The following ERG variants were observed in gnomAD, a reference collection of about 807,000 sequenced individuals.
ERG encodes the protein transcriptional regulator ERG.
Under a neutral mutation model 55.3 loss-of-function variants are expected in ERG, and 9 were observed. The observed-to-expected ratio is 0.16, with a 90% CI of 0.10 to 0.28. ERG has a LOEUF of 0.28. Among genes scored for constraint, ERG ranks in the 10% least tolerant of loss-of-function variants. The pLI is 1.00. For synonymous variants in ERG, 223 were observed against 237.3 expected, an observed-to-expected ratio of 0.94 and a Z score of 0.55; for missense variants, 434 against 631.6, an observed-to-expected ratio of 0.69 and a Z score of 3.35.
Position 38,383,287 on chromosome 21 carries a change from G to T in ERG, c.*116C>A, listed in dbSNP as rs1987530088. 1.5e-6 allele frequency: 2 copies of T among 1,333,734 alleles called. No individual in the cohort carries two copies. The highest frequency in any genetic ancestry group is 1.5e-5 in the African/African-American group (1 of 68,194). The allele number at this position is 1,333,734 out of a possible 1,614,324, so 82.6% of individuals were successfully genotyped here. ...ATCTCTTCCCCGGCTTCCTTCCCCAGCCCCAGTAAAGCTTTTTTCATTCCT... is the reference window on the plus strand; with the variant it reads ...ATCTCTTCCCCGGCTTCCTTCCCCATCCCCAGTAAAGCTTTTTTCATTCCT... On this transcript the variant is annotated 3_prime_UTR_variant, in exon 10 of 10. Transcript: ENST00000288319. The surrounding 1 kb of genome is among the most constrained non-coding windows in gnomAD (Gnocchi z 5.7).
intron 2 of ERG, among the ~76,000 whole-genome samples, chr21:38,428,153 C>T (rs1269293915): frequency 1.3e-5 from 2 of 149,922 alleles, no homozygotes; most frequent in African/African-American, 4.9e-5. Flanking sequence ...TGCACTGCAG[C>T]CTGGACAACA....
intron 1 of ERG, among the ~76,000 whole-genome samples, chr21:38,622,287 C>T (rs552422591): frequency 6.6e-6 from 1 of 152,268 alleles, no homozygotes; most frequent in East Asian, 1.9e-4. Context: ...GACTGAAGGC[C>T]GGCTCACAGC....
At chr21:38,415,445 G>A (rs1989234840) in intron 3 of ERG, among the ~76,000 whole-genome samples, 1 of 152,132 alleles carries the variant, frequency 6.6e-6, no homozygotes, top group Non-Finnish European at 1.5e-5. Context: ...CTATTCAGCT[G>A]ATAACTTTAA....
At chr21:38,374,840 A>T in the ERG span, among the ~76,000 whole-genome samples, 1 of 152,180 alleles carries the variant, frequency 6.6e-6, no homozygotes, top group South Asian at 2.1e-4. Flanking sequence ...TTTAAACCAC[A>T]GACTGCTTGG....
At chr21:38,422,626 GA>G (rs754789452) in intron 3 of ERG, among the ~76,000 whole-genome samples, 41 of 152,348 alleles carry the variant, frequency 2.7e-4, no homozygotes, top group Admixed American at 2.3e-3. Flanking sequence ...TGTATCCTCT[GA>G]GGAGCTTTAA....
chr21:38,621,695 T>TC (rs998380298), intron 1 of ERG, among the ~76,000 whole-genome samples: 17 of 151,868 alleles, frequency 1.1e-4, no homozygotes, highest in African/African-American at 3.9e-4. Flanking sequence ...TTCTGGCAGA[T>TC]CCCCCCAGAA....
intron 1 of ERG, among the ~76,000 whole-genome samples, chr21:38,606,932 GA>G (rs1216413298): frequency 6.6e-6 from 1 of 152,038 alleles, no homozygotes; most frequent in African/African-American, 2.4e-5. Context: ...TGAGACTTCA[GA>G]TTTTTTTTTA....
At chr21:38,477,025 T>TA (rs2059194956) in intron 1 of ERG, among the ~76,000 whole-genome samples, 1 of 140,828 alleles carries the variant, frequency 7.1e-6, no homozygotes, top group Admixed American at 7.1e-5. Flanking sequence ...TTTTTTTTTT[T>TA]TTTTTGAGAC....
chr21:38,510,488 C>T (rs995113386), intron 2 of ERG, among the ~76,000 whole-genome samples: 2 of 152,104 alleles, frequency 1.3e-5, no homozygotes, highest in African/African-American at 4.8e-5. Flanking sequence ...CTTTAGTGAC[C>T]CTTAACTCAA....
intron 6 of ERG, among the ~76,000 whole-genome samples, chr21:38,396,730 C>A (rs1165355767): frequency 1.3e-5 from 2 of 152,180 alleles, no homozygotes; most frequent in Admixed American, 6.5e-5. Context: ...TTAATAGGGG[C>A]TTGCAAGATT....
intron 2 of ERG, among the ~76,000 whole-genome samples, chr21:38,536,309 A>G (rs1473837755): frequency 6.6e-6 from 1 of 151,988 alleles, no homozygotes; most frequent in African/African-American, 2.4e-5. Flanking sequence ...GTAGTAACAC[A>G]AAGAACAAGC....
intron 1 of ERG, among the ~76,000 whole-genome samples, chr21:38,579,725 C>T (rs2060016570): frequency 6.6e-6 from 1 of 152,140 alleles, no homozygotes; most frequent in Non-Finnish European, 1.5e-5. Flanking sequence ...CACTGCCACC[C>T]TCCACACCAG....
chr21:38,550,028 T>G (rs544095098), intron 2 of ERG, among the ~76,000 whole-genome samples: 1 of 152,186 alleles, frequency 6.6e-6, no homozygotes, highest in Non-Finnish European at 1.5e-5. Flanking sequence ...CCCTTCCTCA[T>G]TGGTCAGAGT....
At chr21:38,536,270 A>G (rs1331827280) in intron 2 of ERG, among the ~76,000 whole-genome samples, 1 of 146,250 alleles carries the variant, frequency 6.8e-6, no homozygotes, top group Non-Finnish European at 1.5e-5. Context: ...CCATATCTCC[A>G]CCTAGGCTCT....
chr21:38,560,641 G>A (rs1354213322), intron 2 of ERG, among the ~76,000 whole-genome samples: 1 of 152,022 alleles, frequency 6.6e-6, no homozygotes, highest in Non-Finnish European at 1.5e-5. Flanking sequence ...TGCTTCCCAG[G>A]GAACCTAACT....
chr21:38,485,455 T>A (rs1272528620), intron 1 of ERG, among the ~76,000 whole-genome samples: 1 of 144,688 alleles, frequency 6.9e-6, no homozygotes, highest in African/African-American at 2.5e-5. Context: ...AGTGTAAATA[T>A]ACAGTCTTTT....
At chr21:38,568,947 G>A (rs906652770) in intron 2 of ERG, among the ~76,000 whole-genome samples, 1 of 152,208 alleles carries the variant, frequency 6.6e-6, no homozygotes, top group Non-Finnish European at 1.5e-5. Context: ...AGCAGCGGCT[G>A]CTGAACATAG....
At chr21:38,491,948 A>G (rs2059339720) in intron 1 of ERG, among the ~76,000 whole-genome samples, 2 of 152,226 alleles carry the variant, frequency 1.3e-5, no homozygotes, top group African/African-American at 4.8e-5. Flanking sequence ...TTAGCCACCT[A>G]GAGTATAAGA....
intron 2 of ERG, among the ~76,000 whole-genome samples, chr21:38,427,508 C>A (rs1381152144): frequency 1.3e-5 from 2 of 152,190 alleles, no homozygotes; most frequent in Admixed American, 6.5e-5. Flanking sequence ...GAGGTGTGAA[C>A]TGAGTACTCA....
Sources: gnomAD v4.1 joint callset for allele counts (sites outside exome capture counted in the v4.1 genomes callset) on GRCh38, gnomAD v4.1.1 for gene constraint, Gnocchi (gnomAD v3.1) non-coding constraint, MANE v1.5 for transcripts, NCBI Gene and HGNC (gene_info 2026-07-23, HGNC 2026-07-21) for gene names.